Variants in DNTT observed in about 807,000 individuals in gnomAD.
The protein encoded by DNTT is DNA nucleotidylexotransferase, also known as nucleosidetriphosphate:DNA deoxynucleotidylexotransferase.
A neutral mutation model predicts 60.9 loss-of-function variants in DNTT; 47 were observed. The observed-to-expected ratio is 0.77, with a 90% CI of 0.61 to 0.98. DNTT has a LOEUF of 0.98. Among genes scored for constraint, DNTT ranks in the 50% least tolerant of loss-of-function variants. DNTT has a pLI of 0.00. For missense variants in DNTT, 665 were observed against 627.5 expected, an observed-to-expected ratio of 1.06 and a Z score of -0.64; for synonymous variants, 224 against 221.2, an observed-to-expected ratio of 1.01 and a Z score of -0.11.
intron 5 of DNTT, among the ~76,000 whole-genome samples, chr10:96,323,848 G>A (rs961915506): frequency 1.3e-5 from 2 of 152,274 alleles, no homozygotes; most frequent in Middle Eastern, 3.4e-3. Context: ...CTGTATGATG[G>A]TGGAGAAACT....
chr10:96,314,255 G>A (rs1216335361), intron 1 of DNTT, among the ~76,000 whole-genome samples: 2 of 152,090 alleles, frequency 1.3e-5, no homozygotes, highest in East Asian at 3.9e-4. Context: ...GAGGAAGTGA[G>A]CAGCTCCCTC....
intron 1 of DNTT, among the ~76,000 whole-genome samples, chr10:96,312,837 T>C (rs1844736954): frequency 1.3e-5 from 2 of 152,222 alleles, no homozygotes; most frequent in Non-Finnish European, 2.9e-5. Context: ...CCTAGCTTCC[T>C]GGATGTCTCT....
At position 96,320,749 on chromosome 10, in the gene DNTT, A is replaced by C; in HGVS notation, c.639A>C (p.Gly213=). The C allele has an allele frequency of 6.2e-7, 1 of 1,613,840 alleles. No homozygotes were observed. Among genetic ancestry groups the C allele is most frequent in the Non-Finnish European group, 8.5e-7 (1 of 1,179,784 alleles). ...FTIISMKDTE[G]IPCLGSKVKG... The stretch of plus-strand genomic sequence containing the variant: ...TCATCAGTATGAAGGACACAGAAGG[A>C]ATTCCCTGCCTGGGGTCCAAGGTGA... The change falls in exon 4 of 11, where the codon GGA becomes GGC. Residue 213 remains glycine, a synonymous_variant. Coordinates refer to ENST00000371174, the MANE Select transcript of DNTT (RefSeq NM_004088.4).
At chr10:96,326,971 G>T (rs2133992124) in intron 6 of DNTT, among the ~76,000 whole-genome samples, 1 of 152,272 alleles carries the variant, frequency 6.6e-6, no homozygotes, top group East Asian at 1.9e-4. Flanking sequence ...ATTAATTCAT[G>T]CTGGTCAGGC....
chr10:96,331,057 A>G (rs1031149553), intron 8 of DNTT, among the ~76,000 whole-genome samples: 2 of 152,038 alleles, frequency 1.3e-5, no homozygotes, highest in African/African-American at 4.8e-5. Flanking sequence ...AAGAATGGCA[A>G]CTCGATTGGG....
chr10:96,329,058 C>T (rs1844974323), intron 8 of DNTT, among the ~76,000 whole-genome samples: 1 of 152,192 alleles, frequency 6.6e-6, no homozygotes, highest in Non-Finnish European at 1.5e-5. Flanking sequence ...ACCCTATTGC[C>T]AACAGGGCCA....
chr10:96,307,049 G>T (rs1844646946), intron 1 of DNTT, among the ~76,000 whole-genome samples: 1 of 152,182 alleles, frequency 6.6e-6, no homozygotes, highest in South Asian at 2.1e-4. Context: ...CCTGATAAAT[G>T]GCCTATCTGA....
chr10:96,311,376 G>A (rs1844711971), intron 1 of DNTT, among the ~76,000 whole-genome samples: 1 of 152,212 alleles, frequency 6.6e-6, no homozygotes. Context: ...GTGGGAAGGA[G>A]TCTATACCCA....
At chr10:96,332,212 G>T (rs760562888) in intron 8 of DNTT, 139 bp from the exon 9 acceptor site, 9 of 1,183,258 alleles carry the variant, frequency 7.6e-6, no homozygotes, top group Admixed American at 2.5e-5. Context: ...CCTAGTGTTT[G>T]CAGGTGGGCC....
At chr10:96,328,979 T>G in intron 8 of DNTT, 149 bp downstream of exon 8, 1 of 769,670 alleles carries the variant, frequency 1.3e-6, no homozygotes. Context: ...TGACCTACAA[T>G]AAGACTTTCC....
chr10:96,315,413 G>T (rs1844775446), intron 1 of DNTT, among the ~76,000 whole-genome samples: 1 of 152,134 alleles, frequency 6.6e-6, no homozygotes, highest in South Asian at 2.1e-4. Flanking sequence ...GTTTTTGTGT[G>T]TGCTTAAGAT....
chr10:96,318,210 A>C, intron 1 of DNTT, 142 bp from the exon 2 acceptor site: 1 of 850,736 alleles, frequency 1.2e-6, no homozygotes, highest in Non-Finnish European at 1.8e-6. Flanking sequence ...CCTTGCATGG[A>C]GGCCTAAATT....
At chr10:96,307,343 G>GTTGTTTTTTTTTTTT (rs1844650391) in intron 1 of DNTT, among the ~76,000 whole-genome samples, 6 of 67,598 alleles carry the variant, frequency 8.9e-5, no homozygotes, top group Admixed American at 6.2e-4. Flanking sequence ...GGGTTTTCCA[G>GTTGTTTTTTTTTTTT]TTTTTTTTTT....
In DNTT at chr10:96,338,257, T is replaced by C; in HGVS notation, c.*33T>C. ...TTGTCAACATTTTTTTCCTATTCTT[T>C]TCAAGTTAAATAAATTATGCTTCAT... is the stretch of plus-strand genomic sequence containing the variant. On this transcript the variant is annotated 3_prime_UTR_variant, in exon 11 of 11. Transcript: ENST00000371174. The C allele has an allele frequency of 6.3e-7, 1 of 1,584,500 alleles. No individual in the cohort carries two copies. Among genetic ancestry groups the C allele is most frequent in the Non-Finnish European group, 8.6e-7 (1 of 1,162,236 alleles).
At chr10:96,314,402 C>CTTTTTTTTTTT (rs869059822) in intron 1 of DNTT, among the ~76,000 whole-genome samples, 5,267 of 53,006 alleles carry the variant, frequency 0.099, 1,473 homozygotes, top group Non-Finnish European at 0.14. Context: ...TATCTCTTCC[C>CTTTTTTTTTTT]TTTTTTTTTT....
chr10:96,338,096 T>G, intron 10 of DNTT, 42 bp from the exon 11 acceptor site: 1 of 1,571,014 alleles, frequency 6.4e-7, no homozygotes, highest in Non-Finnish European at 8.7e-7. Context: ...ATGGTGCTTA[T>G]GAAAAATATC....
chr10:96,323,649 T>C, intron 5 of DNTT, among the ~76,000 whole-genome samples: 1 of 152,100 alleles, frequency 6.6e-6, no homozygotes, highest in East Asian at 1.9e-4. Context: ...TTACTGCATC[T>C]TCATTTACTT....
rs908237119 is a variant in DNTT at position 96,338,330 on chromosome 10, T to C, written c.*106T>C. ...GAGTTTGGGGTTATTTAGGTCTTAT[T>C]GAAATGCAGATTGCTACTAGAAATA... On this transcript the variant is annotated 3_prime_UTR_variant, in exon 11 of 11. Coordinates refer to ENST00000371174, the MANE Select transcript of DNTT (RefSeq NM_004088.4). The C allele has an allele frequency of 6.1e-6, 6 of 981,426 alleles. No individual in the cohort carries two copies. The highest frequency in any genetic ancestry group is 9.0e-6 in the Non-Finnish European group (6 of 670,086). 60.8% of individuals were successfully genotyped at this position (981,426 alleles called of 1,614,324 possible). A position where few individuals can be genotyped will look rare whatever the true frequency, so the allele number is the denominator to read the frequency against.
rs775399007 is a variant in DNTT at position 96,319,385 on chromosome 10, T to G, written c.502T>G (p.Phe168Val). Reference protein sequence around the residue: ...RTTLNNCNQIFTDAFDILAEN... With the variant: ...RTTLNNCNQIVTDAFDILAEN... The stretch of plus-strand genomic sequence containing the variant: ...CACTTTAAACAACTGTAACCAGATA[T>G]TCACGGTAACGGGACTTTACATCAA... The change falls in exon 3 of 11, where the codon TTC (phenylalanine) becomes GTC (valine). Residue 168 changes from phenylalanine to valine, a missense_variant. Phe to Val is a conservative substitution (Grantham distance 50). Transcript: ENST00000371174. 10 of 1,613,538 alleles carry G rather than the reference T, an allele frequency of 6.2e-6. No individual in the cohort carries two copies. In the East Asian group the frequency reaches 2.0e-4, roughly 32 times the overall value.
Sources: gnomAD v4.1 joint callset for allele counts (sites outside exome capture counted in the v4.1 genomes callset) on GRCh38, gnomAD v4.1.1 for gene constraint, MANE v1.5 for transcripts, NCBI Gene and HGNC (gene_info 2026-07-23, HGNC 2026-07-21) for gene names.